The following CTBP2 variants were observed in gnomAD, a reference collection of about 807,000 sequenced individuals.
The protein encoded by CTBP2 is C-terminal binding protein 2.
CTBP2 carries 30 observed loss-of-function variants against 80.3 expected under a neutral mutation model. The ratio of observed to expected loss-of-function variants is 0.37; its 90% CI spans 0.28 to 0.51. CTBP2 has a LOEUF of 0.51. Ranked by LOEUF, CTBP2 falls within the 20% of genes least tolerant of loss-of-function variation. CTBP2 has a pLI of 0.93. For synonymous variants in CTBP2, 594 were observed against 587.4 expected, an observed-to-expected ratio of 1.01 and a Z score of -0.16; for missense variants, 1,212 against 1,375.3, an observed-to-expected ratio of 0.88 and a Z score of 1.88.
intron 2 of CTBP2, among the ~76,000 whole-genome samples, chr10:125,041,556 C>T (rs1959816943): frequency 7.6e-6 from 1 of 131,900 alleles, no homozygotes; most frequent in Non-Finnish European, 1.5e-5. Flanking sequence ...ACCAGGGAGG[C>T]TCGGGCCAGC....
chr10:125,018,513 A>C lies in CTBP2; in HGVS notation c.1678+7569T>G, dbSNP rs1179244040. ...TCAAAAAAACAAAAACAAACCAAAA[A>C]CCAAAAACCAAAAAAAGCACCAGAC... On this transcript the variant is annotated intron_variant, in intron 1 of 8. Transcript: ENST00000309035. Among the ~76,000 whole-genome samples the C allele has an allele frequency of 2.0e-5, 3 of 151,610 alleles. No individual in the cohort carries two copies. In the East Asian group the frequency reaches 5.8e-4, roughly 30 times the overall value.
At chr10:125,087,268 C>G (rs757427332) in intron 2 of CTBP2, among the ~76,000 whole-genome samples, 1 of 151,880 alleles carries the variant, frequency 6.6e-6, no homozygotes, top group Non-Finnish European at 1.5e-5. Flanking sequence ...GACGGGGTTT[C>G]GCCATGTTGC....
At chr10:125,158,198 A>G (rs917733285) in intron 1 of CTBP2, among the ~76,000 whole-genome samples, 3 of 152,198 alleles carry the variant, frequency 2.0e-5, no homozygotes, top group African/African-American at 7.2e-5. Flanking sequence ...CAGAATTCTC[A>G]AAGTACATGA....
chr10:125,057,962 C>T (rs977172438), intron 2 of CTBP2, among the ~76,000 whole-genome samples: 17 of 152,256 alleles, frequency 1.1e-4, no homozygotes, highest in East Asian at 5.8e-4. Flanking sequence ...GGCTCAGGGC[C>T]GTGGCAGGAA....
intron 2 of CTBP2, chr10:125,088,164 G>C (rs1316606055): frequency 2.0e-5 from 3 of 152,274 alleles, no homozygotes. Context: ...AGGAGATCCT[G>C]TCAAGACAAC....
chr10:125,129,167 G>A (rs917578083), intron 1 of CTBP2, among the ~76,000 whole-genome samples: 4 of 152,042 alleles, frequency 2.6e-5, no homozygotes, highest in African/African-American at 9.7e-5. Context: ...TCTAGAACAG[G>A]CAAAACTACC....
intron 1 of CTBP2, among the ~76,000 whole-genome samples, chr10:125,144,794 T>C (rs537128714): frequency 1.3e-5 from 2 of 152,366 alleles, no homozygotes; most frequent in East Asian, 3.9e-4. Context: ...ATAGTAATAG[T>C]GTGCTTCACT....
chr10:125,010,290 T>G (rs1203756139), intron 1 of CTBP2, among the ~76,000 whole-genome samples: 1 of 151,836 alleles, frequency 6.6e-6, no homozygotes, highest in Non-Finnish European at 1.5e-5. Context: ...TGTTATCTGC[T>G]TTTTCATTTG....
At chr10:125,026,038 T>C in intron 1 of CTBP2, 7 of 1,528,636 alleles carry the variant, frequency 4.6e-6, no homozygotes, top group Non-Finnish European at 6.2e-6. Context: ...ACCCCCCTGC[T>C]CCCCCCAGGT....
intron 2 of CTBP2, among the ~76,000 whole-genome samples, chr10:125,098,774 GAGAGAC>G (rs1850148227): frequency 2.8e-5 from 4 of 142,166 alleles, no homozygotes; most frequent in East Asian, 2.1e-4. Context: ...GAGAGAGAGA[GAGAGAC>G]AGAGAGAGAG....
At position 125,028,027 on chromosome 10, in the gene CTBP2, G is replaced by C. The variant is rs2134725006; in HGVS notation, c.-268C>G. On this transcript the variant is annotated 5_prime_UTR_variant, in exon 1 of 9. Transcript: ENST00000309035. ...CCTTACAGCTCAGTCCCGGAGAGGAGGCTGTCCCCAGCCTGCCAGGTCCCC... is the reference window on the plus strand; with the variant it reads ...CCTTACAGCTCAGTCCCGGAGAGGACGCTGTCCCCAGCCTGCCAGGTCCCC... 1 of 867,344 alleles carries C rather than the reference G, an allele frequency of 1.2e-6. No homozygotes were observed. Among genetic ancestry groups the C allele is most frequent in the South Asian group, 2.9e-5 (1 of 34,082 alleles). The allele number at this position is 867,344 out of a possible 1,614,324, so 53.7% of individuals were successfully genotyped here.
intron 2 of CTBP2, among the ~76,000 whole-genome samples, chr10:125,090,773 TAACAA>T (rs1035253834): frequency 3.3e-5 from 5 of 150,806 alleles, no homozygotes; most frequent in African/African-American, 9.8e-5. Context: ...AATAAATAAA[TAACAA>T]AACAAAACAA....
chr10:125,103,713 C>G (rs992739472), intron 2 of CTBP2, among the ~76,000 whole-genome samples: 2 of 152,180 alleles, frequency 1.3e-5, no homozygotes, highest in African/African-American at 4.8e-5. Context: ...AGGCGTCCCA[C>G]CACCGCGGAA....
chr10:125,100,835 C>G (rs962575179), intron 2 of CTBP2: 2 of 152,138 alleles, frequency 1.3e-5, no homozygotes, highest in African/African-American at 4.8e-5. Context: ...AAAGGTATTG[C>G]ATTCAGGATC....
At chr10:125,088,720 C>T (rs960232027) in intron 2 of CTBP2, among the ~76,000 whole-genome samples, 1 of 152,298 alleles carries the variant, frequency 6.6e-6, no homozygotes, top group South Asian at 2.1e-4. Context: ...TACTCAACGC[C>T]TAACAATTGA....
intron 2 of CTBP2, among the ~76,000 whole-genome samples, chr10:125,083,313 A>G (rs1847458081): frequency 1.3e-5 from 2 of 152,154 alleles, no homozygotes; most frequent in South Asian, 4.1e-4. Context: ...GCTTCTGGAT[A>G]AAAAAGAGTC....
chr10:125,110,928 A>C (rs544828703), intron 2 of CTBP2, 62 bp downstream of exon 2: 1 of 152,636 alleles, frequency 6.6e-6, no homozygotes, highest in Admixed American at 6.5e-5. Context: ...AATTGAACAC[A>C]CATTGCAAAG....
chr10:125,116,131 G>A (rs1853229577), intron 1 of CTBP2, among the ~76,000 whole-genome samples: 1 of 152,240 alleles, frequency 6.6e-6, no homozygotes, highest in East Asian at 1.9e-4. Context: ...ACTCAGGAGG[G>A]GCCACCGACT....
chr10:125,062,090 G>A (rs937855415), intron 2 of CTBP2, among the ~76,000 whole-genome samples: 1 of 152,080 alleles, frequency 6.6e-6, no homozygotes, highest in Non-Finnish European at 1.5e-5. Context: ...TTGCTAAACC[G>A]AGAGGGCCCT....
Sources: allele counts gnomAD v4.1 joint callset (sites outside exome capture counted in the v4.1 genomes callset), GRCh38; gene constraint gnomAD v4.1.1; transcripts MANE v1.5; gene names NCBI Gene and HGNC (gene_info 2026-07-23, HGNC 2026-07-21).